The following DNMT3A variants were observed in gnomAD, a reference collection of about 807,000 sequenced individuals.
DNMT3A encodes the protein DNA methyltransferase 3 alpha.
A neutral mutation model predicts 117.6 loss-of-function variants in DNMT3A; 267 were observed. That is an observed-to-expected ratio of 2.27 (90% CI 2.05 to 2.51). The LOEUF (loss-of-function observed/expected upper bound fraction) is 2.51. DNMT3A is among the 30% of genes most tolerant of loss of function. The pLI, the probability that DNMT3A is intolerant of heterozygous loss-of-function variation, is 0.00. For synonymous variants in DNMT3A, 432 were observed against 474.8 expected, an observed-to-expected ratio of 0.91 and a Z score of 1.17; for missense variants, 1,029 against 1,260.2, an observed-to-expected ratio of 0.82 and a Z score of 2.78.
rs139182155 is a variant in DNMT3A, at chr2:25,306,926, A to T, written c.73-6683T>A. 6.6e-6 allele frequency among the ~76,000 whole-genome samples: 1 copy of T among 152,276 alleles called. No individual in the cohort carries two copies. The highest frequency in any genetic ancestry group is 2.4e-5 in the African/African-American group (1 of 41,574). On this transcript the variant is annotated intron_variant, in intron 2 of 22. Coordinates refer to ENST00000321117, the MANE Select transcript of DNMT3A (RefSeq NM_022552.5). This position sits in a 1 kb window ranked among gnomAD's most constrained non-coding sequence, Gnocchi z 4.1. ...CACTTCCATGGCACCAAGCCCACACATGTCTGCTCCTTCAGTAGCACACCC... is the reference window on the plus strand; with the variant it reads ...CACTTCCATGGCACCAAGCCCACACTTGTCTGCTCCTTCAGTAGCACACCC...
chr2:25,300,557 C>T (rs912449013), intron 2 of DNMT3A, among the ~76,000 whole-genome samples: 1 of 146,326 alleles, frequency 6.8e-6, no homozygotes, highest in Admixed American at 6.9e-5. Context: ...GCCTGGGCAA[C>T]ATAGTGAGAC....
At position 25,254,242 on chromosome 2, in the gene DNMT3A, T is replaced by A. The variant is rs182989887; in HGVS notation, c.640-5990A>T. Among the ~76,000 whole-genome samples the A allele has an allele frequency of 2.8e-3, 429 of 152,150 alleles. 2 individuals are homozygous for A. Among genetic ancestry groups the A allele is most frequent in the Non-Finnish European group, 5.4e-3 (365 of 68,002 alleles). On this transcript the variant is annotated intron_variant, in intron 6 of 22. Transcript: ENST00000321117. The surrounding 1 kb of genome is among the most constrained non-coding windows in gnomAD (Gnocchi z 4.7). ...TCTCCTAATGACAATGAGACAATTC[T>A]CTAGGTGCCTGGCTCCCAGCCACAG...
chr2:25,329,710 C>CACAG (rs1553434015), intron 1 of DNMT3A, among the ~76,000 whole-genome samples: 1,981 of 149,726 alleles, frequency 0.013, 17 homozygotes, highest in Non-Finnish European at 0.02. Context: ...CACACACACA[C>CACAG]ACAGACACAC....
intron 3 of DNMT3A, among the ~76,000 whole-genome samples, chr2:25,284,683 C>CAAAAAA (rs11463858): frequency 3.2e-5 from 2 of 61,942 alleles, no homozygotes; most frequent in African/African-American, 1.2e-4. Context: ...AAAGACTATA[C>CAAAAAA]AAAAAAAAAA....
rs765448102 is a variant in DNMT3A, at chr2:25,247,789, C to G, written c.856-40G>C. ...AGCAGAAATCATTACACAGTGGTCA[C>G]GAGGCCCTGCCACCCTGATCCCCCC... On this transcript the variant is annotated intron_variant, in intron 7 of 22. Coordinates refer to ENST00000321117, the MANE Select transcript of DNMT3A (RefSeq NM_022552.5). The surrounding 1 kb of genome is among the most constrained non-coding windows in gnomAD (Gnocchi z 5.6). The G allele has an allele frequency of 6.2e-7, 1 of 1,601,478 alleles. No individual in the cohort carries two copies. The highest frequency in any genetic ancestry group is 1.1e-5 in the South Asian group (1 of 90,538).
At position 25,330,770 on chromosome 2, in the gene DNMT3A, C is replaced by T. The variant is rs147997573; in HGVS notation, c.-178+11056G>A. On this transcript the variant is annotated intron_variant, in intron 1 of 22. Transcript: ENST00000321117. ...CTGTCCCCCATGCCCTCTGCTCTCC[C>T]GGACAGCTCTGCACAGACCCTCCCT... 9.8e-3 allele frequency among the ~76,000 whole-genome samples: 1,493 copies of T among 152,308 alleles called. 20 individuals are homozygous for T. Among genetic ancestry groups the T allele is most frequent in the African/African-American group, 0.034 (1,406 of 41,552 alleles).
Position 25,233,706 on chromosome 2 carries a change from G to A in DNMT3A, c.*573C>T, listed in dbSNP as rs1430670195. 2.3e-5 allele frequency: 5 copies of A among 213,304 alleles called. No individual in the cohort carries two copies. The highest frequency in any genetic ancestry group is 3.9e-4 in the South Asian group (2 of 5,080). The allele number at this position is 213,304 out of a possible 1,614,324, so 13.2% of individuals were successfully genotyped here. A position where few individuals can be genotyped will look rare whatever the true frequency, so the allele number is the denominator to read the frequency against. ...GCCGCCTGAGTGTCTCTCTCTTTCC[G>A]TCCCCTGCTTGTGCTCCTATCTGAT... is the stretch of plus-strand genomic sequence containing the variant. On this transcript the variant is annotated 3_prime_UTR_variant, in exon 23 of 23. Transcript: ENST00000321117.
Position 25,339,651 on chromosome 2 carries a change from C to G in DNMT3A, c.-178+2175G>C, listed in dbSNP as rs2149455580. On this transcript the variant is annotated intron_variant, in intron 1 of 22. Coordinates refer to ENST00000321117, the MANE Select transcript of DNMT3A (RefSeq NM_022552.5). The surrounding 1 kb of genome is among the most constrained non-coding windows in gnomAD (Gnocchi z 4.9). ...CAGCCCAAGCAGGGCCTCGGTAGAA[C>G]CTGGAGGCAGAGGGGGACCATTTTG... Among the ~76,000 whole-genome samples, 1 of 152,276 alleles carries G rather than the reference C, an allele frequency of 6.6e-6. No homozygotes were observed. Among genetic ancestry groups the G allele is most frequent in the Non-Finnish European group, 1.5e-5 (1 of 68,012 alleles).
rs1446825883 is a variant in DNMT3A, at chr2:25,243,936, G to A, written c.1898C>T (p.Pro633Leu). The A allele has an allele frequency of 3.2e-6, 5 of 1,552,494 alleles. No homozygotes were observed. The highest frequency in any genetic ancestry group is 1.7e-4 in the Middle Eastern group (1 of 5,992). ...YPPVPAEKRKPIRVLSLFDGI... is the reference protein window; with the variant it reads ...YPPVPAEKRKLIRVLSLFDGI... ...ATCAAAGAGAGACAGCACCCGGATG[G>A]GCTTCCTCTTCTCAGCTGGGACAGG... Residue 633 changes from proline to leucine, a missense_variant, in exon 16 of 23, where the codon CCC becomes CTC. Transcript: ENST00000321117.
At position 25,252,168 on chromosome 2, in the gene DNMT3A, C is replaced by A. The variant is rs372652198; in HGVS notation, c.640-3916G>T. The A allele has an allele frequency of 4.9e-4, 761 of 1,559,594 alleles. 4 individuals are homozygous for A. The African/African-American group carries it at 9.5e-3, about 19-fold the overall frequency. On this transcript the variant is annotated intron_variant, in intron 6 of 22. Transcript: ENST00000321117. This position sits in a 1 kb window ranked among gnomAD's most constrained non-coding sequence, Gnocchi z 5.5. Reference sequence around the variant, plus strand: ...CCTGCCGCCTCCCCGCCCCCGGTCTCCCCGGGGCTCCGTCCAGGAACCTAC... The same window carrying A: ...CCTGCCGCCTCCCCGCCCCCGGTCTACCCGGGGCTCCGTCCAGGAACCTAC...
At chr2:25,313,655 GCTTTGAGC>G (rs1197879987) in intron 2 of DNMT3A, among the ~76,000 whole-genome samples, 1 of 152,190 alleles carries the variant, frequency 6.6e-6, no homozygotes, top group Non-Finnish European at 1.5e-5. Context: ...ACAGACCTGG[GCTTTGAGC>G]CACTGTGCGA....
intron 2 of DNMT3A, 55 bp downstream of exon 2, chr2:25,313,858 G>C (rs2034253038): frequency 1.3e-6 from 2 of 1,548,434 alleles, no homozygotes; most frequent in East Asian, 2.4e-5. Context: ...ATCACATAGG[G>C]ACAGGGCTCT....
chr2:25,341,235 G>T (rs887761603), intron 1 of DNMT3A, among the ~76,000 whole-genome samples: 2 of 144,684 alleles, frequency 1.4e-5, no homozygotes, highest in Admixed American at 1.4e-4. Context: ...CGGGGGGCCG[G>T]GTCGTGCCAG....
rs1674466585 is a variant in DNMT3A, at chr2:25,244,339, C to T, written c.1668-1G>A. On this transcript the variant is annotated splice_acceptor_variant, in intron 14 of 22. Coordinates refer to ENST00000321117, the MANE Select transcript of DNMT3A (RefSeq NM_022552.5). LOFTEE classifies it high-confidence loss of function. ...GTCCACACACTCCACGCAAAAGCAC[C>T]TGGAAGGAGACCCAGTGAGCAGAGG... 5 of 1,601,504 alleles carry T rather than the reference C, an allele frequency of 3.1e-6. No individual in the cohort carries two copies. Among genetic ancestry groups the T allele is most frequent in the Admixed American group, 1.7e-5 (1 of 57,454 alleles).
chr2:25,272,977 A>ATTTTTTTTTG (rs754139283), intron 6 of DNMT3A, among the ~76,000 whole-genome samples: 1 of 106,492 alleles, frequency 9.4e-6, no homozygotes, highest in East Asian at 2.6e-4. Flanking sequence ...AATTGTTTGT[A>ATTTTTTTTTG]TTTTTTTTTT....
At chr2:25,303,204 G>A (rs2033610624) in intron 2 of DNMT3A, among the ~76,000 whole-genome samples, 1 of 152,258 alleles carries the variant, frequency 6.6e-6, no homozygotes, top group Non-Finnish European at 1.5e-5. Flanking sequence ...AATCAGAGAT[G>A]TGAAAGCCAA....
intron 6 of DNMT3A, among the ~76,000 whole-genome samples, chr2:25,270,700 C>T (rs2030802285): frequency 6.6e-6 from 1 of 151,952 alleles, no homozygotes; most frequent in Non-Finnish European, 1.5e-5. Context: ...ATGCAGCTAA[C>T]AGAGGTTGCC....
At position 25,252,731 on chromosome 2, in the gene DNMT3A, G is replaced by A. The variant is rs1675744409; in HGVS notation, c.640-4479C>T. On this transcript the variant is annotated intron_variant, in intron 6 of 22. Transcript: ENST00000321117. The surrounding 1 kb of genome is among the most constrained non-coding windows in gnomAD (Gnocchi z 5.5). ...CTTTCGGACGGCCTGGGAGAGCCGG[G>A]AGAAAGTTGTGAAAAGTGAGTTTCT... Among the ~76,000 whole-genome samples, 1 of 151,894 alleles carries A rather than the reference G, an allele frequency of 6.6e-6. No individual in the cohort carries two copies. The highest frequency in any genetic ancestry group is 1.5e-5 in the Non-Finnish European group (1 of 67,958).
chr2:25,321,171 G>GT (rs1310695684), intron 1 of DNMT3A, among the ~76,000 whole-genome samples: 1 of 149,744 alleles, frequency 6.7e-6, no homozygotes, highest in Non-Finnish European at 1.5e-5. Flanking sequence ...CAAGTCAGTA[G>GT]TAAAAAAAAA....
Sources: allele counts gnomAD v4.1 joint callset (sites outside exome capture counted in the v4.1 genomes callset), GRCh38; gene constraint gnomAD v4.1.1; non-coding constraint Gnocchi (gnomAD v3.1); transcripts MANE v1.5; gene names NCBI Gene and HGNC (gene_info 2026-07-23, HGNC 2026-07-21).